Variants in HSPG2 observed in about 807,000 individuals in gnomAD.
HSPG2 encodes basement membrane-specific heparan sulfate proteoglycan core protein.
A neutral mutation model predicts 526.6 loss-of-function variants in HSPG2; 278 were observed. The observed-to-expected ratio is 0.53, with a 90% confidence interval of 0.48 to 0.58. The LOEUF (loss-of-function observed/expected upper bound fraction) is 0.58. HSPG2 is among the 20% of genes least tolerant of loss of function. The pLI, the probability that HSPG2 is intolerant of heterozygous loss-of-function variation, is 0.00. For synonymous variants in HSPG2, 2,465 were observed against 2,555.4 expected, an observed-to-expected ratio of 0.96 and a Z score of 1.07; for missense variants, 5,354 against 6,099.5, an observed-to-expected ratio of 0.88 and a Z score of 4.07.
chr1:21,867,111 G>T (rs1298248525), intron 33 of HSPG2, among the ~76,000 whole-genome samples: 4 of 90,586 alleles, frequency 4.4e-5, no homozygotes, highest in South Asian at 4.0e-4. Context: ...GCCCTATGTT[G>T]CTCAGGCACT....
At position 21,890,528 on chromosome 1, in the gene HSPG2, C is replaced by T; in HGVS notation, c.355-43G>A. The T allele has an allele frequency of 6.2e-7, 1 of 1,611,224 alleles. No individual in the cohort carries two copies. On this transcript the variant is annotated intron_variant, in intron 4 of 96. Transcript: ENST00000374695. This position sits in a 1 kb window ranked among gnomAD's most constrained non-coding sequence, Gnocchi z 4.1. ...GCCATCAGCCCCAGAGGCCTTCACC[C>T]CATCCTCGGTCCTGCCCCGCCACAC...
At chr1:21,899,022 A>G (rs924530428) in intron 1 of HSPG2, among the ~76,000 whole-genome samples, 3 of 152,202 alleles carry the variant, frequency 2.0e-5, no homozygotes, top group African/African-American at 7.2e-5. Context: ...ACACATCTGC[A>G]GGGAGAGGGG....
chr1:21,832,752 C>T (rs976585045), intron 80 of HSPG2, 146 bp from the exon 81 acceptor site: 1 of 650,526 alleles, frequency 1.5e-6, no homozygotes, highest in Non-Finnish European at 2.8e-6. Context: ...CCAGGGCCTT[C>T]TCACTATCTC....
chr1:21,839,221 C>G lies in HSPG2; in HGVS notation c.9890-136G>C. 6.9e-7 allele frequency: 1 copy of G among 1,442,370 alleles called. No homozygotes were observed. Among genetic ancestry groups the G allele is most frequent in the South Asian group, 1.2e-5 (1 of 81,734 alleles). 89.3% of individuals were successfully genotyped at this position (1,442,370 alleles called of 1,614,324 possible). ...GATAAGGAAAGCAAAGGTCCCAGGC[C>G]AGGGTGTGGGTGTCGGGCAGGGCAG... On this transcript the variant is annotated intron_variant, in intron 73 of 96. Transcript: ENST00000374695. The surrounding 1 kb of genome is among the most constrained non-coding windows in gnomAD (Gnocchi z 4.5).
At chr1:21,843,715 C>T (rs1322927128) in intron 65 of HSPG2, among the ~76,000 whole-genome samples, 3 of 152,000 alleles carry the variant, frequency 2.0e-5, no homozygotes, top group Non-Finnish European at 1.5e-5. Flanking sequence ...GGTGCAATCT[C>T]GGCTCACCGC....
rs143678007 is a variant in HSPG2, at chr1:21,892,097, C to T, written c.245-1403G>A. On this transcript the variant is annotated intron_variant, in intron 3 of 96. Transcript: ENST00000374695. Reference sequence around the variant, plus strand: ...GTGCTACTGCCAGGCCCATCCTCCTCCCGCTTTACTCTGTCCATCAGGCCC... The same window carrying T: ...GTGCTACTGCCAGGCCCATCCTCCTTCCGCTTTACTCTGTCCATCAGGCCC... Among the ~76,000 whole-genome samples the T allele has an allele frequency of 2.3e-3, 352 of 152,380 alleles. 1 individual carries two copies. The highest frequency in any genetic ancestry group is 0.015 in the East Asian group (79 of 5,188).
chr1:21,923,335 A>G (rs12066824), intron 1 of HSPG2, among the ~76,000 whole-genome samples: 1,870 of 152,158 alleles, frequency 0.012, 35 homozygotes, highest in African/African-American at 0.039. Context: ...TGAACCAGGA[A>G]GCGGAGGCTG....
At chr1:21,868,722 T>G (rs774635614) in intron 33 of HSPG2, among the ~76,000 whole-genome samples, 1 of 151,740 alleles carries the variant, frequency 6.6e-6, no homozygotes, top group Non-Finnish European at 1.5e-5. Flanking sequence ...CAGAGCTGAG[T>G]TCAGTCTCAG....
At position 21,854,716 on chromosome 1, in the gene HSPG2, A is replaced by AG. The variant is rs1345496808; in HGVS notation, c.6182dup (p.Val2062CysfsTer29). ...GGTCGAGTGTTTGCCCTTCTGTCAC[A>AG]GAAGGCGATGAGGACTCAATCTTGA... On this transcript the variant is annotated frameshift_variant, in exon 49 of 97. Transcript: ENST00000374695. LOFTEE classifies it high-confidence loss of function. The AG allele has an allele frequency of 6.2e-7, 1 of 1,613,384 alleles. No homozygotes were observed. The highest frequency in any genetic ancestry group is 8.5e-7 in the Non-Finnish European group (1 of 1,179,738).
At position 21,839,265 on chromosome 1, in the gene HSPG2, G is replaced by A. The variant is rs527874513; in HGVS notation, c.9889+106C>T. On this transcript the variant is annotated intron_variant, in intron 73 of 96. Coordinates refer to ENST00000374695, the MANE Select transcript of HSPG2 (RefSeq NM_005529.7). This position sits in a 1 kb window ranked among gnomAD's most constrained non-coding sequence, Gnocchi z 4.5. Reference sequence around the variant, plus strand: ...AGGGCAGGCTCCAGGACCCTGCAGCGCCTGGAGACCTCTGGATGGGGTTCC... The same window carrying A: ...AGGGCAGGCTCCAGGACCCTGCAGCACCTGGAGACCTCTGGATGGGGTTCC... 1.6e-4 allele frequency: 235 copies of A among 1,461,384 alleles called. No individual in the cohort carries two copies. In the African/African-American group the frequency reaches 2.1e-3, roughly 13 times the overall value. The allele number at this position is 1,461,384 out of a possible 1,614,324, so 90.5% of individuals were successfully genotyped here.
At chr1:21,910,257 G>A (rs1435396170) in intron 1 of HSPG2, among the ~76,000 whole-genome samples, 1 of 152,208 alleles carries the variant, frequency 6.6e-6, no homozygotes, top group East Asian at 1.9e-4. Flanking sequence ...AAAAGGCCTT[G>A]CCCTCCGTAA....
intron 1 of HSPG2, among the ~76,000 whole-genome samples, chr1:21,899,237 C>T (rs145786467): frequency 1.7e-4 from 26 of 152,196 alleles, no homozygotes; most frequent in African/African-American, 5.8e-4. Flanking sequence ...AGCTGAAGAT[C>T]AAAAGGTTCC....
Position 21,847,517 on chromosome 1 carries a change from A to G in HSPG2, c.8026-25T>C. Reference sequence around the variant, plus strand: ...TCTGGACGTGCGGATGGGGAAGGAGAGGGAGAGGGAGTGGAGGGACGCTGG... The same window carrying G: ...TCTGGACGTGCGGATGGGGAAGGAGGGGGAGAGGGAGTGGAGGGACGCTGG... On this transcript the variant is annotated intron_variant, in intron 61 of 96. Coordinates refer to ENST00000374695, the MANE Select transcript of HSPG2 (RefSeq NM_005529.7). The surrounding 1 kb of genome is among the most constrained non-coding windows in gnomAD (Gnocchi z 4.1). 6.2e-7 allele frequency: 1 copy of G among 1,613,206 alleles called. No homozygotes were observed. Among genetic ancestry groups the G allele is most frequent in the Non-Finnish European group, 8.5e-7 (1 of 1,179,790 alleles).
Position 21,854,967 on chromosome 1 carries a change from G to C in HSPG2, c.6014C>G (p.Thr2005Arg). 3 of 1,613,418 alleles carry C rather than the reference G, an allele frequency of 1.9e-6. No homozygotes were observed. Among genetic ancestry groups the C allele is most frequent in the Non-Finnish European group, 2.5e-6 (3 of 1,180,032 alleles). Residue 2005 changes from threonine (T) to arginine (R), a missense_variant, in exon 48 of 97, where the codon ACA (threonine) becomes AGA (arginine). Coordinates refer to ENST00000374695, the MANE Select transcript of HSPG2 (RefSeq NM_005529.7). ...TGGGATGAGCAGTGTCGCGATGTCTGTGCGCTCTGACCGGGCCTGCCGTGG... is the reference window on the plus strand; with the variant it reads ...TGGGATGAGCAGTGTCGCGATGTCTCTGCGCTCTGACCGGGCCTGCCGTGG... ...SLPPQARSERTDIATLLIPAI... is the reference protein window; with the variant it reads ...SLPPQARSERRDIATLLIPAI...
chr1:21,834,726 G>A lies in HSPG2; in HGVS notation c.10673C>T (p.Thr3558Ile), dbSNP rs2098019392. 3 of 1,614,186 alleles carry A rather than the reference G, an allele frequency of 1.9e-6. No individual in the cohort carries two copies. Among genetic ancestry groups the A allele is most frequent in the Non-Finnish European group, 1.7e-6 (2 of 1,180,036 alleles). ...ADAGQYRCTA[T>I]NAAGTTQSHV... is the part of the protein sequence containing the mutation. ...GGATTGTGTGGTGCCAGCTGCGTTG[G>A]TGGCAGTGCAGCGATACTGTCCCGC... The change falls in exon 77 of 97, where the codon ACC (threonine) becomes ATC (isoleucine). Residue 3558 changes from threonine (T) to isoleucine (I), a missense_variant. Physicochemically the swap from Thr to Ile is moderately conservative, Grantham distance 89. Transcript: ENST00000374695.
intron 1 of HSPG2, among the ~76,000 whole-genome samples, chr1:21,901,558 G>A (rs1248962576): frequency 6.6e-6 from 1 of 152,106 alleles, no homozygotes; most frequent in African/African-American, 2.4e-5. Context: ...GACCAACCCA[G>A]GGCTTTGGGC....
rs372148118 is a variant in HSPG2 at position 21,872,281 on chromosome 1, C to T, written c.4126G>A (p.Val1376Met). ...RLTGEFTVEP[V>M]PEGAQLSFGN... ...AAAGAGAGCTGGGCACCCTCGGGCA[C>T]GGGTTCCACAGTGAATTCTCCTGTC... The change falls in exon 33 of 97, where the codon GTG becomes ATG. Residue 1376 changes from valine (V) to methionine (M), a missense_variant. Physicochemically the swap from Val to Met is conservative, Grantham distance 21. Transcript: ENST00000374695. The surrounding 1 kb of genome is among the most constrained non-coding windows in gnomAD (Gnocchi z 5.5). 3.5e-5 allele frequency: 55 copies of T among 1,561,680 alleles called. No individual in the cohort carries two copies. Among genetic ancestry groups the T allele is most frequent in the South Asian group, 9.5e-5 (8 of 84,620 alleles).
Position 21,863,074 on chromosome 1 carries a change from A to C in HSPG2, c.4741-959T>G, listed in dbSNP as rs1242545900. Among the ~76,000 whole-genome samples, 292 of 139,302 alleles carry C rather than the reference A, an allele frequency of 2.1e-3. 7 individuals carry two copies. Among genetic ancestry groups the C allele is most frequent in the African/African-American group, 7.7e-3 (276 of 35,964 alleles). The allele number at this position is 139,302 out of a possible 152,430, so 91.4% of individuals were successfully genotyped here. A position where few individuals can be genotyped will look rare whatever the true frequency, so the allele number is the denominator to read the frequency against. ...AGACTCCATCTCAAAAAAAAAAAAA[A>C]AAAAAAAAAAAAAAGAGGCTGGGTG... is the stretch of plus-strand genomic sequence containing the variant. On this transcript the variant is annotated intron_variant, in intron 37 of 96. Coordinates refer to ENST00000374695, the MANE Select transcript of HSPG2 (RefSeq NM_005529.7).
chr1:21,823,616 C>G lies in HSPG2; in HGVS notation c.13003G>C (p.Gly4335Arg), dbSNP rs749949642. The G allele has an allele frequency of 1.2e-6, 2 of 1,613,222 alleles. No individual in the cohort carries two copies. The highest frequency in any genetic ancestry group is 2.2e-5 in the South Asian group (2 of 91,080). ...CCCTGAGAAGGAGCCCCAGACTTAC[C>G]GATGTAGACGCTGCCCTTGGCGTTG... ...AVNAKGSVYIGGAPDVATLTG... is the reference protein window; with the variant it reads ...AVNAKGSVYIRGAPDVATLTG... The change falls in exon 96 of 97, where the codon GGC becomes CGC. Residue 4335 changes from glycine to arginine, a missense_variant and splice_region_variant. By Grantham distance (125) the Gly-to-Arg change is moderately radical. Coordinates refer to ENST00000374695, the MANE Select transcript of HSPG2 (RefSeq NM_005529.7).
Sources: gnomAD v4.1 joint callset for allele counts (sites outside exome capture counted in the v4.1 genomes callset) on GRCh38, gnomAD v4.1.1 for gene constraint, Gnocchi (gnomAD v3.1) non-coding constraint, MANE v1.5 for transcripts, NCBI Gene and HGNC (gene_info 2026-07-23, HGNC 2026-07-21) for gene names.